Variants in RGS5 observed in about 807,000 individuals in gnomAD.
The protein encoded by RGS5 is regulator of G-protein signalling 5.
RGS5 carries 20 observed loss-of-function variants against 18.9 expected under a neutral mutation model. The ratio of observed to expected loss-of-function variants is 1.06; its 90% CI spans 0.74 to 1.54. The LOEUF (loss-of-function observed/expected upper bound fraction) is 1.54, where lower values mean the gene tolerates loss of function less well. RGS5 is among the 40% of genes most tolerant of loss of function. The probability of loss-of-function intolerance (pLI) is 0.00; values close to 1 mark genes in which losing one functional copy is unlikely to be tolerated. For missense variants in RGS5, 201 were observed against 211.8 expected, an observed-to-expected ratio of 0.95 and a Z score of 0.32; for synonymous variants, 57 against 76.2, an observed-to-expected ratio of 0.75 and a Z score of 1.31.
chr1:163,254,430 T>C (rs1648211161), intron 2 of RGS5, among the ~76,000 whole-genome samples: 1 of 152,214 alleles, frequency 6.6e-6, no homozygotes, highest in African/African-American at 2.4e-5. Context: ...CATGTGTTTT[T>C]TGGCTGCATA....
chr1:163,190,140 C>T, intron 1 of RGS5, among the ~76,000 whole-genome samples: 1 of 152,008 alleles, frequency 6.6e-6, no homozygotes, highest in East Asian at 1.9e-4. Context: ...TAAATTAGAA[C>T]CAATAAGATT....
In RGS5 at chr1:163,174,718, C is replaced by A. The variant is rs73024751; in HGVS notation, c.45-6350G>T. The stretch of plus-strand genomic sequence containing the variant: ...CAATCACTAGCAATCTGAAAAGAAT[C>A]AATTATAAGACCATAATTTTTCAGG... On this transcript the variant is annotated intron_variant, in intron 1 of 4. Coordinates refer to ENST00000313961, the MANE Select transcript of RGS5 (RefSeq NM_003617.4). 9.4e-3 allele frequency among the ~76,000 whole-genome samples: 1,438 copies of A among 152,216 alleles called. 19 individuals are homozygous for A. Among genetic ancestry groups the A allele is most frequent in the African/African-American group, 0.033 (1,360 of 41,520 alleles).
intron 3 of RGS5, among the ~76,000 whole-genome samples, 189 bp from the exon 4 acceptor site, chr1:163,152,905 C>T (rs144221670): frequency 6.6e-6 from 1 of 152,242 alleles, no homozygotes; most frequent in African/African-American, 2.4e-5. Context: ...AGATAGACAG[C>T]AGAGAACACA....
chr1:163,248,773 C>G, intron 2 of RGS5: 1 of 152,196 alleles, frequency 6.6e-6, no homozygotes, highest in South Asian at 2.1e-4. Flanking sequence ...AAATACAAAG[C>G]TTCTTGGTGA....
intron 2 of RGS5, among the ~76,000 whole-genome samples, chr1:163,239,901 G>A (rs976291884): frequency 6.6e-6 from 1 of 152,092 alleles, no homozygotes; most frequent in Non-Finnish European, 1.5e-5. Flanking sequence ...AAGCAAAAAC[G>A]TTTATTAATT....
chr1:163,254,395 T>C (rs1227167289), intron 2 of RGS5, among the ~76,000 whole-genome samples: 1 of 152,220 alleles, frequency 6.6e-6, no homozygotes, highest in Non-Finnish European at 1.5e-5. Context: ...ATTTCTCTGA[T>C]GGCCAGAGAT....
intron 2 of RGS5, among the ~76,000 whole-genome samples, chr1:163,287,764 G>A (rs138058920): frequency 6.6e-6 from 1 of 152,118 alleles, no homozygotes; most frequent in Admixed American, 6.6e-5. Flanking sequence ...AATTCTACTG[G>A]TGGTGTCATA....
chr1:163,257,856 A>C (rs1648320434), intron 2 of RGS5, among the ~76,000 whole-genome samples: 1 of 152,142 alleles, frequency 6.6e-6, no homozygotes, highest in Non-Finnish European at 1.5e-5. Context: ...TGTATATTCC[A>C]GCTATTTTAA....
chr1:163,158,821 G>A (rs1657687234), intron 3 of RGS5, among the ~76,000 whole-genome samples: 1 of 152,108 alleles, frequency 6.6e-6, no homozygotes, highest in African/African-American at 2.4e-5. Context: ...GCAGACAACT[G>A]GTCCGACCAA....
At chr1:163,301,178 G>A (rs1460289633) in intron 2 of RGS5, among the ~76,000 whole-genome samples, 2 of 152,158 alleles carry the variant, frequency 1.3e-5, no homozygotes, top group Non-Finnish European at 2.9e-5. Flanking sequence ...ACAGGGCACA[G>A]GACACTTTGG....
At chr1:163,197,471 G>A (rs928209712) in intron 1 of RGS5, among the ~76,000 whole-genome samples, 2 of 152,156 alleles carry the variant, frequency 1.3e-5, no homozygotes, top group African/African-American at 4.8e-5. Context: ...TTCCTTCGTA[G>A]TGGATTGCAA....
chr1:163,185,662 C>T (rs1659039578), intron 1 of RGS5, among the ~76,000 whole-genome samples: 1 of 152,168 alleles, frequency 6.6e-6, no homozygotes, highest in Non-Finnish European at 1.5e-5. Context: ...CTTTCCAGTT[C>T]CCTGTTCTAG....
At chr1:163,155,651 T>A (rs1044447329) in intron 3 of RGS5, among the ~76,000 whole-genome samples, 3 of 152,108 alleles carry the variant, frequency 2.0e-5, no homozygotes, top group Non-Finnish European at 4.4e-5. Context: ...ACCTATTGGG[T>A]CAGAGTCAAA....
chr1:163,248,480 C>G (rs1409629846), intron 2 of RGS5: 2 of 152,116 alleles, frequency 1.3e-5, no homozygotes, highest in Non-Finnish European at 2.9e-5. Flanking sequence ...AATGAACTAT[C>G]CTTAATCTTT....
intron 2 of RGS5, among the ~76,000 whole-genome samples, chr1:163,266,883 A>G (rs1231410878): frequency 1.3e-5 from 2 of 152,298 alleles, no homozygotes; most frequent in Non-Finnish European, 1.5e-5. Flanking sequence ...AAGAAATGGT[A>G]AAGGAGTTGG....
intron 2 of RGS5, among the ~76,000 whole-genome samples, chr1:163,259,117 T>A (rs1011997116): frequency 6.6e-6 from 1 of 152,112 alleles, no homozygotes; most frequent in Non-Finnish European, 1.5e-5. Context: ...CCAGTTTACA[T>A]CAAGCTTGTA....
At chr1:163,203,997 A>G (rs373669701), upstream of RGS5, among the ~76,000 whole-genome samples, 3 of 152,284 alleles carry the variant, frequency 2.0e-5, no homozygotes, top group Admixed American at 6.5e-5. Context: ...GGAATTGAAC[A>G]GTACTCTCAT....
chr1:163,179,698 G>T (rs1464550171), intron 1 of RGS5, among the ~76,000 whole-genome samples: 1 of 152,164 alleles, frequency 6.6e-6, no homozygotes, highest in Non-Finnish European at 1.5e-5. Flanking sequence ...TAGAAAAAGA[G>T]AAAGGGAGAA....
At chr1:163,290,215 C>G (rs1293718973) in intron 2 of RGS5, among the ~76,000 whole-genome samples, 4 of 152,140 alleles carry the variant, frequency 2.6e-5, no homozygotes, top group Admixed American at 2.6e-4. Flanking sequence ...GCAGAAGACA[C>G]ACCTGGGAGC....
Sources: allele counts gnomAD v4.1 joint callset (sites outside exome capture counted in the v4.1 genomes callset), GRCh38; gene constraint gnomAD v4.1.1; transcripts MANE v1.5; gene names NCBI Gene and HGNC (gene_info 2026-07-23, HGNC 2026-07-21).